The following HAO2 variants were observed in gnomAD, a reference collection of about 807,000 sequenced individuals.
The protein encoded by HAO2 is hydroxyacid oxidase 2.
Under a neutral mutation model 37.4 loss-of-function variants are expected in HAO2, and 42 were observed. That is an observed-to-expected ratio of 1.12 (90% CI 0.88 to 1.45). HAO2 has a LOEUF of 1.45. Among genes scored for constraint, HAO2 ranks in the 40% most tolerant of loss-of-function variants. HAO2 has a pLI of 0.00. For missense variants in HAO2, 476 were observed against 430.2 expected (o/e 1.11, Z -0.94); for synonymous variants, 180 against 162.8 (o/e 1.11, Z -0.81).
intron 5 of HAO2, among the ~76,000 whole-genome samples, chr1:119,390,145 A>G (rs1235444966): frequency 6.6e-6 from 1 of 152,184 alleles, no homozygotes; most frequent in Non-Finnish European, 1.5e-5. Context: ...CCATTGGTCC[A>G]TGTGCCTATT....
At chr1:119,382,396 T>A (rs1650022780) in intron 2 of HAO2, among the ~76,000 whole-genome samples, 1 of 152,194 alleles carries the variant, frequency 6.6e-6, no homozygotes, top group Non-Finnish European at 1.5e-5. Flanking sequence ...TAAAGCAGTG[T>A]TTAAGTCAAA....
chr1:119,380,618 C>G, intron 1 of HAO2: 2 of 1,032,870 alleles, frequency 1.9e-6, no homozygotes, highest in Admixed American at 3.7e-5. Flanking sequence ...GCTGGGAATG[C>G]CATGACGTGG....
rs1302894551 is a variant in HAO2, at chr1:119,386,620, A to G, written c.562-2A>G. ...ACTAAGTTCCCTTTTTATTTCCTATAGGGAAATGCAATACCTTATTTCCAG... is the reference window on the plus strand; with the variant it reads ...ACTAAGTTCCCTTTTTATTTCCTATGGGGAAATGCAATACCTTATTTCCAG... On this transcript the variant is annotated splice_acceptor_variant, in intron 4 of 7. Transcript: ENST00000325945. LOFTEE classifies it high-confidence loss of function. 2 of 1,565,364 alleles carry G rather than the reference A, an allele frequency of 1.3e-6. No homozygotes were observed. Among genetic ancestry groups the G allele is most frequent in the Admixed American group, 3.3e-5 (2 of 59,968 alleles).
rs1246466018 is a variant in HAO2, at chr1:119,392,658, AT to A, written c.972del (p.Asn324LysfsTer108). The A allele has an allele frequency of 6.2e-7, 1 of 1,609,454 alleles. No homozygotes were observed. Among genetic ancestry groups the A allele is most frequent in the Non-Finnish European group, 8.5e-7 (1 of 1,175,856 alleles). ...AAGGAAGTTTTGAACATTTTAACAA[AT>A]GAGTTCCACACTTCCATGGCCCTTA... ...GVKEVLNILT[N>X]EFHTSMALTG... is the part of the protein sequence containing the mutation. On this transcript the variant is annotated frameshift_variant, in exon 7 of 8. Coordinates refer to ENST00000325945, the MANE Select transcript of HAO2 (RefSeq NM_016527.4). LOFTEE classifies it high-confidence loss of function.
chr1:119,387,904 T>A (rs1650513956), intron 5 of HAO2, among the ~76,000 whole-genome samples: 1 of 152,212 alleles, frequency 6.6e-6, no homozygotes, highest in Non-Finnish European at 1.5e-5. Context: ...GTTGGTACAT[T>A]CCAAGACACG....
Position 119,386,691 on chromosome 1 carries a change from T to C in HAO2, c.631T>C (p.Phe211Leu). The C allele has an allele frequency of 6.2e-7, 1 of 1,613,424 alleles. No individual in the cohort carries two copies. Among genetic ancestry groups the C allele is most frequent in the East Asian group, 2.2e-5 (1 of 44,860 alleles). ...TCTCTGCTGGAATGATCTCTCCTGG[T>C]TTCAGAGCATAACTCGATTGCCCAT... ...TSLCWNDLSW[F>L]QSITRLPIIL... The change falls in exon 5 of 8, where the codon TTT (phenylalanine) becomes CTT (leucine). Residue 211 changes from phenylalanine to leucine, a missense_variant. Coordinates refer to ENST00000325945, the MANE Select transcript of HAO2 (RefSeq NM_016527.4).
chr1:119,393,044 G>C (rs1340401756), intron 7 of HAO2, among the ~76,000 whole-genome samples: 1 of 152,130 alleles, frequency 6.6e-6, no homozygotes, highest in African/African-American at 2.4e-5. Context: ...TTTAGGAAAA[G>C]ACCCTCTCAT....
rs781423312 is a variant in HAO2, at chr1:119,384,954, A to T, written c.462A>T (p.Val154=). 24 of 1,613,504 alleles carry T rather than the reference A, an allele frequency of 1.5e-5. No homozygotes were observed. Among genetic ancestry groups the T allele is most frequent in the Admixed American group, 1.7e-5 (1 of 60,002 alleles). Residue 154 remains valine, a synonymous_variant, in exon 4 of 8, where the codon GTA becomes GTT. Coordinates refer to ENST00000325945, the MANE Select transcript of HAO2 (RefSeq NM_016527.4). ...RVESLGFKAL[V]ITLDTPVCGN... ...AATCCCTAGGTTTCAAAGCTTTGGT[A>T]ATAACTTTGGATACACCTGTATGTG... is the stretch of plus-strand genomic sequence containing the variant.
At chr1:119,377,896 G>A (rs1482540633) in intron 1 of HAO2, among the ~76,000 whole-genome samples, 2 of 152,092 alleles carry the variant, frequency 1.3e-5, no homozygotes, top group African/African-American at 2.4e-5. Context: ...GTGAAACCCC[G>A]TTTCTACTAA....
Position 119,392,099 on chromosome 1 carries a change from C to T in HAO2, c.772-11C>T, listed in dbSNP as rs769983502. The T allele has an allele frequency of 1.9e-6, 3 of 1,609,572 alleles. No homozygotes were observed. The highest frequency in any genetic ancestry group is 2.2e-5 in the East Asian group (1 of 44,766). ...AGAAAGCCCTCCAGCCCATGTGTAT[C>T]TCCTTTTCAGATTGATGCTTTGACA... On this transcript the variant is annotated splice_polypyrimidine_tract_variant and intron_variant, in intron 5 of 7. Transcript: ENST00000325945.
intron 1 of HAO2, chr1:119,380,579 T>C: frequency 2.8e-6 from 2 of 707,542 alleles, no homozygotes; most frequent in Non-Finnish European, 5.0e-6. Context: ...ATGAAGCTGG[T>C]GAGGCAGTGA....
At chr1:119,392,383 G>A (rs1484297887) in intron 6 of HAO2, 115 bp downstream of exon 6, 1 of 918,228 alleles carries the variant, frequency 1.1e-6, no homozygotes, top group Non-Finnish European at 1.7e-6. Context: ...CTAAAGGATA[G>A]TTACACCTAA....
intron 2 of HAO2, among the ~76,000 whole-genome samples, chr1:119,382,687 G>A (rs1650047729): frequency 1.3e-5 from 2 of 152,202 alleles, no homozygotes; most frequent in Admixed American, 6.5e-5. Flanking sequence ...GTGGTTCAGA[G>A]AAGGTTGGGA....
Position 119,381,062 on chromosome 1 carries a change from G to T in HAO2, c.-8-16G>T. On this transcript the variant is annotated splice_polypyrimidine_tract_variant and intron_variant, in intron 1 of 7. Coordinates refer to ENST00000325945, the MANE Select transcript of HAO2 (RefSeq NM_016527.4). ...TTCTCACTGGGTTTGGTTTGGTTTT[G>T]TTTTCTCCTTGGAAGGTCCAGAAAT... The T allele has an allele frequency of 1.9e-6, 3 of 1,611,792 alleles. No individual in the cohort carries two copies. The highest frequency in any genetic ancestry group is 2.2e-5 in the South Asian group (2 of 90,942).
At chr1:119,381,289 C>A in intron 2 of HAO2, 73 bp downstream of exon 2, 2 of 1,061,064 alleles carry the variant, frequency 1.9e-6, no homozygotes, top group South Asian at 2.6e-5. Context: ...CAGTAGTAGT[C>A]CTGGTTTCTG....
intron 1 of HAO2, chr1:119,380,709 G>T (rs1317149739): frequency 6.2e-7 from 1 of 1,602,166 alleles, no homozygotes; most frequent in South Asian, 1.1e-5. Flanking sequence ...GACAAGATGT[G>T]GAGTGAATGT....
intron 2 of HAO2, 141 bp downstream of exon 2, chr1:119,381,357 T>C (rs1030295143): frequency 1.4e-6 from 1 of 705,888 alleles, no homozygotes. Flanking sequence ...TGTTGTTGTT[T>C]TGGTTTGTTA....
chr1:119,392,323 G>T, intron 6 of HAO2, 55 bp downstream of exon 6: 2 of 1,387,114 alleles, frequency 1.4e-6, no homozygotes. Context: ...ATTCATTTCT[G>T]TGCTTTCCTG....
intron 1 of HAO2, among the ~76,000 whole-genome samples, chr1:119,377,365 C>G (rs777308831): frequency 2.0e-5 from 3 of 152,182 alleles, no homozygotes; most frequent in Non-Finnish European, 2.9e-5. Flanking sequence ...TCTGAGACCA[C>G]CTCAGCCTGG....
Sources: allele counts gnomAD v4.1 joint callset (sites outside exome capture counted in the v4.1 genomes callset), GRCh38; gene constraint gnomAD v4.1.1; transcripts MANE v1.5; gene names NCBI Gene and HGNC (gene_info 2026-07-23, HGNC 2026-07-21).